The following MYO1E variants were observed in gnomAD, a reference collection of about 807,000 sequenced individuals.
MYO1E encodes the protein myosin IE, also known as unconventional myosin-Ie.
A neutral mutation model predicts 151.1 loss-of-function variants in MYO1E; 68 were observed. The ratio of observed to expected loss-of-function variants is 0.45; its 90% confidence interval spans 0.37 to 0.55. The LOEUF (loss-of-function observed/expected upper bound fraction) is 0.55, where lower values mean the gene tolerates loss of function less well. Among genes scored for constraint, MYO1E ranks in the 20% least tolerant of loss-of-function variants. MYO1E has a pLI of 0.00. For synonymous variants in MYO1E, 601 were observed against 501.7 expected, an observed-to-expected ratio of 1.20 and a Z score of -2.64; for missense variants, 1,363 against 1,389.3, an observed-to-expected ratio of 0.98 and a Z score of 0.30.
At chr15:59,155,250 AAACG>A (rs2079503272) in intron 25 of MYO1E, among the ~76,000 whole-genome samples, 1 of 152,238 alleles carries the variant, frequency 6.6e-6, no homozygotes. Context: ...AAGCATTTAG[AAACG>A]TTCATGGCAG....
At chr15:59,347,788 A>C in intron 1 of MYO1E, among the ~76,000 whole-genome samples, 1 of 152,176 alleles carries the variant, frequency 6.6e-6, no homozygotes, top group South Asian at 2.1e-4. Flanking sequence ...TTTGGAAAAA[A>C]TTATACCCCT....
rs1203799284 is a variant in MYO1E, at chr15:59,256,344, A to G, written c.272T>C (p.Leu91Pro). The G allele has an allele frequency of 6.2e-7, 1 of 1,612,786 alleles. No homozygotes were observed. Among genetic ancestry groups the G allele is most frequent in the East Asian group, 2.2e-5 (1 of 44,856 alleles). Reference protein sequence around the residue: ...QYENPPHIYALADNMYRNMII... With the variant: ...QYENPPHIYAPADNMYRNMII... ...CATGTTTCTGTACATATTATCTGCA[A>G]GGGCATAGATATGTGGTGGGTTTTC... Residue 91 changes from leucine (L) to proline (P), a missense_variant, in exon 4 of 28, where the codon CTT (leucine) becomes CCT (proline). Transcript: ENST00000288235.
Position 59,178,416 on chromosome 15 carries a change from C to A in MYO1E, c.2026G>T (p.Val676Leu). 1 of 1,614,238 alleles carries A rather than the reference C, an allele frequency of 6.2e-7. No individual in the cohort carries two copies. The highest frequency in any genetic ancestry group is 8.5e-7 in the Non-Finnish European group (1 of 1,180,044). Residue 676 changes from valine (V) to leucine (L), a missense_variant, in exon 19 of 28, where the codon GTG becomes TTG. Coordinates refer to ENST00000288235, the MANE Select transcript of MYO1E (RefSeq NM_004998.4). ...SDQFQLGRSK[V>L]FIKAPESLFL... ...ACAGACTCGGGGGCTTTGATGAACA[C>A]TTTACTCCTCCCCAGCTGGAACTGG...
At chr15:59,366,300 C>T (rs113686010) in intron 1 of MYO1E, among the ~76,000 whole-genome samples, 27 of 14,612 alleles carry the variant, frequency 1.8e-3, no homozygotes, top group Middle Eastern at 0.038. Context: ...TTTTTTTTCT[C>T]TCTCTCTCTT....
At chr15:59,217,519 CTTT>C (rs1164320277) in intron 10 of MYO1E, among the ~76,000 whole-genome samples, 2,286 of 53,178 alleles carry the variant, frequency 0.043, 113 homozygotes, top group African/African-American at 0.14. Flanking sequence ...GTCGTTTTAC[CTTT>C]TTTTTTTTTT....
intron 1 of MYO1E, among the ~76,000 whole-genome samples, chr15:59,303,449 A>G (rs1285257385): frequency 6.6e-6 from 1 of 152,108 alleles, no homozygotes; most frequent in East Asian, 1.9e-4. Context: ...GAATTGCTTG[A>G]ACCCGAGGGG....
intron 21 of MYO1E, among the ~76,000 whole-genome samples, chr15:59,172,271 C>T (rs1281860673): frequency 2.0e-5 from 3 of 152,130 alleles, no homozygotes; most frequent in East Asian, 1.9e-4. Flanking sequence ...GCAGGAGAAT[C>T]GCTTTAACCT....
intron 1 of MYO1E, among the ~76,000 whole-genome samples, chr15:59,307,807 T>C (rs902673461): frequency 4.0e-5 from 6 of 151,750 alleles, no homozygotes; most frequent in African/African-American, 1.5e-4. Flanking sequence ...GTGGGGTTTC[T>C]CCATGTTGGT....
intron 2 of MYO1E, among the ~76,000 whole-genome samples, chr15:59,269,908 T>C (rs761544557): frequency 1.1e-4 from 16 of 152,154 alleles, no homozygotes; most frequent in Non-Finnish European, 1.9e-4. Flanking sequence ...AGCAAATTTT[T>C]TTCTGCAAAG....
intron 21 of MYO1E, among the ~76,000 whole-genome samples, chr15:59,172,656 G>C (rs2079602477): frequency 6.6e-6 from 1 of 152,232 alleles, no homozygotes; most frequent in Non-Finnish European, 1.5e-5. Context: ...AACACCTGTG[G>C]TGAACTTAGC....
At chr15:59,303,824 T>C (rs2080498002) in intron 1 of MYO1E, among the ~76,000 whole-genome samples, 1 of 152,174 alleles carries the variant, frequency 6.6e-6, no homozygotes, top group African/African-American at 2.4e-5. Flanking sequence ...GAGTCGGCAG[T>C]GTAGGACTCT....
At chr15:59,144,413 C>T (rs985090994) in intron 26 of MYO1E, among the ~76,000 whole-genome samples, 8 of 151,950 alleles carry the variant, frequency 5.3e-5, no homozygotes, top group Admixed American at 1.3e-4. Context: ...GTGATCCGCC[C>T]GCCTCAGCCT....
chr15:59,252,962 T>C (rs2080173854), intron 4 of MYO1E, among the ~76,000 whole-genome samples: 1 of 152,144 alleles, frequency 6.6e-6, no homozygotes, highest in Non-Finnish European at 1.5e-5. Flanking sequence ...GCAGGAAATA[T>C]ACAAGATGAG....
At chr15:59,174,904 A>AG (rs1183833928) in intron 19 of MYO1E, among the ~76,000 whole-genome samples, 29 of 152,252 alleles carry the variant, frequency 1.9e-4, no homozygotes, top group African/African-American at 6.7e-4. Context: ...ATCAGCCTCT[A>AG]GCAGGTCTTG....
intron 5 of MYO1E, 110 bp downstream of exon 5, chr15:59,236,475 T>C (rs1191861436): frequency 8.1e-6 from 7 of 859,032 alleles, no homozygotes; most frequent in East Asian, 8.1e-5. Flanking sequence ...TTCACAGTTA[T>C]AGAAGAACCA....
intron 7 of MYO1E, 95 bp downstream of exon 7, chr15:59,227,364 G>A: frequency 1.4e-6 from 2 of 1,478,722 alleles, no homozygotes; most frequent in Non-Finnish European, 1.9e-6. Context: ...AGTCCTCCCT[G>A]GCTTCCTAGA....
intron 13 of MYO1E, 50 bp downstream of exon 13, chr15:59,210,463 AC>A: frequency 8.0e-7 from 1 of 1,251,342 alleles, no homozygotes. Flanking sequence ...ATAAAAACTC[AC>A]TTAATGTAAA....
At chr15:59,189,572 T>A (rs564108647) in intron 17 of MYO1E, among the ~76,000 whole-genome samples, 2 of 152,182 alleles carry the variant, frequency 1.3e-5, no homozygotes, top group African/African-American at 4.8e-5. Context: ...TGGCAAACTT[T>A]CTTTCTTTTC....
intron 16 of MYO1E, among the ~76,000 whole-genome samples, chr15:59,201,547 C>T (rs2079802349): frequency 6.6e-6 from 1 of 151,784 alleles, no homozygotes; most frequent in Non-Finnish European, 1.5e-5. Context: ...TGGGATTACA[C>T]TCACGTGCCA....
Sources: gnomAD v4.1 joint callset for allele counts (sites outside exome capture counted in the v4.1 genomes callset) on GRCh38, gnomAD v4.1.1 for gene constraint, MANE v1.5 for transcripts, NCBI Gene and HGNC (gene_info 2026-07-23, HGNC 2026-07-21) for gene names.